CMTM8: variants seen among roughly 807,000 people sequenced by gnomAD.
The protein encoded by CMTM8 is CKLF-like MARVEL transmembrane domain-containing protein 8.
In CMTM8, 12 loss-of-function variants were observed where a neutral mutation model predicts 18.6. The observed-to-expected ratio is 0.65, with a 90% CI of 0.41 to 1.05. The LOEUF (loss-of-function observed/expected upper bound fraction) is 1.05, where lower values mean the gene tolerates loss of function less well. Ranked by LOEUF, CMTM8 falls within the 50% of genes least tolerant of loss-of-function variation. CMTM8 has a pLI of 0.00. For missense variants in CMTM8, 217 were observed against 227.2 expected (o/e 0.95, Z 0.29); for synonymous variants, 87 against 90.6 (o/e 0.96, Z 0.23).
At chr3:32,270,724 G>A (rs1575153957) in intron 1 of CMTM8, among the ~76,000 whole-genome samples, 1 of 152,146 alleles carries the variant, frequency 6.6e-6, no homozygotes, top group Admixed American at 6.5e-5. Flanking sequence ...CTGTTGTGGG[G>A]TGGGGGGAGC....
At chr3:32,361,290 T>TTTTTTTG (rs1445278422) in intron 2 of CMTM8, among the ~76,000 whole-genome samples, 1 of 69,988 alleles carries the variant, frequency 1.4e-5, no homozygotes, top group African/African-American at 4.1e-5. Context: ...CTAAGAGTTT[T>TTTTTTTG]TTTTTCTTTC....
intron 1 of CMTM8, among the ~76,000 whole-genome samples, chr3:32,246,839 T>A (rs944833828): frequency 2.0e-5 from 3 of 152,184 alleles, no homozygotes; most frequent in Admixed American, 2.0e-4. Flanking sequence ...TAGTGGCTCA[T>A]GCCTGTAATC....
At chr3:32,252,947 T>C (rs907440682) in intron 1 of CMTM8, among the ~76,000 whole-genome samples, 5 of 152,216 alleles carry the variant, frequency 3.3e-5, no homozygotes, top group African/African-American at 7.2e-5. Context: ...GTTAACTGTG[T>C]ACCCTTTTTA....
At chr3:32,344,162 A>G (rs1265648249) in intron 1 of CMTM8, among the ~76,000 whole-genome samples, 2 of 152,232 alleles carry the variant, frequency 1.3e-5, no homozygotes, top group African/African-American at 4.8e-5. Context: ...ACTTCATTGC[A>G]AGGAATTAGT....
chr3:32,365,980 C>G (rs1697025169), intron 2 of CMTM8, among the ~76,000 whole-genome samples: 1 of 152,068 alleles, frequency 6.6e-6, no homozygotes. Context: ...CTTTTTTTAA[C>G]CTTTATGACG....
chr3:32,278,403 C>T lies in CMTM8; in HGVS notation c.147+39284C>T, dbSNP rs186037222. ...TTGCAGTCACCTATTTGCTGCTATT[C>T]TCAGCTCTCTCCAGTCTTCCCGTAA... On this transcript the variant is annotated intron_variant, in intron 1 of 3. Coordinates refer to ENST00000307526, the MANE Select transcript of CMTM8 (RefSeq NM_178868.5). 3.9e-3 allele frequency among the ~76,000 whole-genome samples: 587 copies of T among 152,320 alleles called. 5 individuals are homozygous for T. The highest frequency in any genetic ancestry group is 0.011 in the African/African-American group (462 of 41,572).
At chr3:32,272,106 T>G (rs1255687238) in intron 1 of CMTM8, among the ~76,000 whole-genome samples, 1 of 152,254 alleles carries the variant, frequency 6.6e-6, no homozygotes, top group Non-Finnish European at 1.5e-5. Context: ...AATTCTAACT[T>G]GGCAGTTATT....
intron 1 of CMTM8, among the ~76,000 whole-genome samples, chr3:32,272,122 C>A (rs1014536435): frequency 2.6e-5 from 4 of 152,112 alleles, no homozygotes; most frequent in Non-Finnish European, 4.4e-5. Flanking sequence ...TTATTTTTGT[C>A]TCAGTGCATT....
intron 1 of CMTM8, among the ~76,000 whole-genome samples, chr3:32,262,227 G>T (rs1702269149): frequency 6.6e-6 from 1 of 152,152 alleles, no homozygotes; most frequent in Non-Finnish European, 1.5e-5. Context: ...GTTTTCTGTG[G>T]ACTGCCACAG....
chr3:32,319,074 A>ATATATATATATATATATTTTTTTTTTTT, intron 1 of CMTM8, among the ~76,000 whole-genome samples: 1 of 31,528 alleles, frequency 3.2e-5, no homozygotes, highest in South Asian at 1.4e-3. Context: ...ATATATATAT[A>ATATATATATATATATATTTTTTTTTTTT]TTTTTTTTTT....
intron 1 of CMTM8, among the ~76,000 whole-genome samples, chr3:32,320,520 T>C (rs916165322): frequency 3.9e-5 from 6 of 152,156 alleles, no homozygotes; most frequent in African/African-American, 1.4e-4. Context: ...AGAAGAGATT[T>C]CCTTAGGGTG....
intron 1 of CMTM8, among the ~76,000 whole-genome samples, chr3:32,328,047 CA>C (rs1395961286): frequency 1.3e-5 from 2 of 151,894 alleles, no homozygotes; most frequent in Non-Finnish European, 2.9e-5. Flanking sequence ...CTCATCTCTA[CA>C]AAAAATTTAA....
chr3:32,335,732 A>G (rs1696373624), intron 1 of CMTM8, among the ~76,000 whole-genome samples: 1 of 152,234 alleles, frequency 6.6e-6, no homozygotes. Context: ...GTTTGAAAGA[A>G]GGTCTGATAA....
chr3:32,347,309 T>TTTTTTTTTTTTTTTG, intron 1 of CMTM8, among the ~76,000 whole-genome samples: 1 of 150,940 alleles, frequency 6.6e-6, no homozygotes, highest in Admixed American at 6.6e-5. Flanking sequence ...TTTTTTTTTT[T>TTTTTTTTTTTTTTTG]GGCGTTAGTT....
chr3:32,369,636 C>A (rs1336855971), intron 3 of CMTM8, among the ~76,000 whole-genome samples: 3 of 152,220 alleles, frequency 2.0e-5, no homozygotes, highest in Non-Finnish European at 2.9e-5. Flanking sequence ...GCCGTATTCA[C>A]TCCTAAGTGA....
chr3:32,353,543 A>G (rs1406080852), intron 1 of CMTM8, among the ~76,000 whole-genome samples: 2 of 152,204 alleles, frequency 1.3e-5, no homozygotes, highest in Non-Finnish European at 2.9e-5. Flanking sequence ...ATGCATGTGT[A>G]GTAGTGTGGA....
At chr3:32,287,996 TAA>T (rs1247063084) in intron 1 of CMTM8, among the ~76,000 whole-genome samples, 2 of 152,236 alleles carry the variant, frequency 1.3e-5, no homozygotes, top group Admixed American at 1.3e-4. Context: ...TACAAAATCT[TAA>T]TTCACACGAT....
chr3:32,310,813 A>G (rs768828216), intron 1 of CMTM8, among the ~76,000 whole-genome samples: 81 of 152,234 alleles, frequency 5.3e-4, no homozygotes, highest in Non-Finnish European at 8.7e-4. Flanking sequence ...GAAAACATAG[A>G]AATTTGGAAA....
At chr3:32,280,942 G>A (rs1401968315) in intron 1 of CMTM8, among the ~76,000 whole-genome samples, 2 of 150,206 alleles carry the variant, frequency 1.3e-5, no homozygotes, top group Non-Finnish European at 3.0e-5. Flanking sequence ...AGAGATTATC[G>A]TGACCTAAGG....
Sources: gnomAD v4.1 joint callset for allele counts (sites outside exome capture counted in the v4.1 genomes callset) on GRCh38, gnomAD v4.1.1 for gene constraint, MANE v1.5 for transcripts, NCBI Gene and HGNC (gene_info 2026-07-23, HGNC 2026-07-21) for gene names.